SPAG16: variants seen among roughly 807,000 people sequenced by gnomAD.
SPAG16 encodes the protein sperm-associated antigen 16 protein.
In SPAG16, 86 loss-of-function variants were observed where a neutral mutation model predicts 80.4. That is an observed-to-expected ratio of 1.07 (90% CI 0.90 to 1.28). The LOEUF (loss-of-function observed/expected upper bound fraction) is 1.28, where lower values mean the gene tolerates loss of function less well. SPAG16 is among the 50% of genes most tolerant of loss of function. The pLI is 0.00. For missense variants in SPAG16, 870 were observed against 765.3 expected (o/e 1.14, Z -1.61); for synonymous variants, 294 against 265.9 (o/e 1.11, Z -1.03).
At chr2:214,055,681 T>C (rs770543278) in intron 13 of SPAG16, among the ~76,000 whole-genome samples, 2 of 152,282 alleles carry the variant, frequency 1.3e-5, no homozygotes, top group Admixed American at 1.3e-4. Context: ...AGGATATGGG[T>C]GGCTGAGTGC....
intron 15 of SPAG16, among the ~76,000 whole-genome samples, chr2:214,394,431 G>A (rs1701250399): frequency 6.6e-6 from 1 of 151,486 alleles, no homozygotes; most frequent in African/African-American, 2.4e-5. Flanking sequence ...TTCTGATTAT[G>A]TAATTGAGTA....
chr2:213,902,022 C>T (rs1178336710), intron 11 of SPAG16, among the ~76,000 whole-genome samples: 1 of 152,110 alleles, frequency 6.6e-6, no homozygotes, highest in Non-Finnish European at 1.5e-5. Flanking sequence ...CCTAGAGTCT[C>T]GTGAAAAACA....
At chr2:213,496,777 TTA>T (rs1220036011) in intron 10 of SPAG16, among the ~76,000 whole-genome samples, 2 of 150,974 alleles carry the variant, frequency 1.3e-5, no homozygotes, top group African/African-American at 2.4e-5. Flanking sequence ...ATTAATTAAA[TTA>T]TATGTTTTCA....
intron 10 of SPAG16, among the ~76,000 whole-genome samples, chr2:213,555,641 A>C (rs1046361671): frequency 6.6e-6 from 1 of 152,228 alleles, no homozygotes; most frequent in African/African-American, 2.4e-5. Context: ...CATATGAGAC[A>C]AGATACATAC....
chr2:213,885,052 A>AGACC (rs2076499946), intron 11 of SPAG16, among the ~76,000 whole-genome samples: 1 of 152,130 alleles, frequency 6.6e-6, no homozygotes, highest in Non-Finnish European at 1.5e-5. Context: ...GGAGGTAAGG[A>AGACC]GACCCTCTGT....
rs535845400 is a variant in SPAG16 at position 214,247,678 on chromosome 2, A to G, written c.1720+98412A>G. 8.1e-4 allele frequency among the ~76,000 whole-genome samples: 124 copies of G among 152,266 alleles called. 1 individual carries two copies. Among genetic ancestry groups the G allele is most frequent in the East Asian group, 1.5e-3 (8 of 5,168 alleles). On this transcript the variant is annotated intron_variant, in intron 15 of 15. Transcript: ENST00000331683. ...TTATAGCAAACATTGGACTAGGTAT[A>G]TGGGAGGACAGGTACATTTTCATGA...
At chr2:214,257,278 T>C (rs1299684111) in intron 15 of SPAG16, among the ~76,000 whole-genome samples, 1 of 152,014 alleles carries the variant, frequency 6.6e-6, no homozygotes, top group Non-Finnish European at 1.5e-5. Context: ...ATCATAGTAG[T>C]TGTGTTGTCA....
At chr2:213,793,679 A>C (rs1016560447) in intron 10 of SPAG16, among the ~76,000 whole-genome samples, 3 of 152,208 alleles carry the variant, frequency 2.0e-5, no homozygotes, top group African/African-American at 7.2e-5. Context: ...AAATTCTCTA[A>C]AAGATGTTAA....
At chr2:214,181,378 A>T (rs2057302658) in intron 15 of SPAG16, among the ~76,000 whole-genome samples, 1 of 151,816 alleles carries the variant, frequency 6.6e-6, no homozygotes, top group African/African-American at 2.4e-5. Flanking sequence ...CTCTAACTTG[A>T]CATGACAGAA....
chr2:213,991,025 T>C (rs1023996671), intron 12 of SPAG16, among the ~76,000 whole-genome samples: 1 of 152,110 alleles, frequency 6.6e-6, no homozygotes, highest in Admixed American at 6.6e-5. Flanking sequence ...ATTATTATAC[T>C]TTAAGTTCTG....
chr2:213,628,691 T>G (rs1406693309), intron 10 of SPAG16, among the ~76,000 whole-genome samples: 1 of 152,250 alleles, frequency 6.6e-6, no homozygotes, highest in Non-Finnish European at 1.5e-5. Context: ...CTAGCCTTAA[T>G]TATTTGTGTG....
intron 9 of SPAG16, among the ~76,000 whole-genome samples, chr2:213,393,083 G>T (rs1353328115): frequency 6.6e-6 from 1 of 151,850 alleles, no homozygotes; most frequent in Non-Finnish European, 1.5e-5. Context: ...ATGTGAATCA[G>T]AATAAAAGTA....
chr2:214,261,520 A>G (rs1006084679), intron 15 of SPAG16, among the ~76,000 whole-genome samples: 9 of 152,196 alleles, frequency 5.9e-5, no homozygotes, highest in Admixed American at 6.5e-5. Context: ...GCTTGAAGGA[A>G]GTAAAGTTAT....
At chr2:213,683,854 A>G (rs1022499372) in intron 10 of SPAG16, among the ~76,000 whole-genome samples, 1 of 152,160 alleles carries the variant, frequency 6.6e-6, no homozygotes, top group Non-Finnish European at 1.5e-5. Flanking sequence ...CTCATTTGCA[A>G]TTTTTCTTAC....
intron 9 of SPAG16, among the ~76,000 whole-genome samples, chr2:213,380,329 T>G (rs1399187981): frequency 6.6e-6 from 1 of 152,146 alleles, no homozygotes; most frequent in Non-Finnish European, 1.5e-5. Context: ...TGCAGATCCA[T>G]CTATGAATCA....
chr2:213,808,138 A>G (rs1287149765), intron 10 of SPAG16, among the ~76,000 whole-genome samples: 1 of 152,192 alleles, frequency 6.6e-6, no homozygotes, highest in Non-Finnish European at 1.5e-5. Context: ...GCTGTTCTAT[A>G]AGGAAGAATA....
chr2:213,988,918 T>G (rs2106443854), intron 12 of SPAG16, among the ~76,000 whole-genome samples: 1 of 152,188 alleles, frequency 6.6e-6, no homozygotes, highest in East Asian at 1.9e-4. Flanking sequence ...TTCAGCAGTA[T>G]TTTTGTAGAG....
At chr2:213,512,883 C>T (rs1044711471) in intron 10 of SPAG16, among the ~76,000 whole-genome samples, 1 of 152,030 alleles carries the variant, frequency 6.6e-6, no homozygotes, top group Admixed American at 6.6e-5. Flanking sequence ...CCCACCAAGA[C>T]TGGAAATAGC....
intron 15 of SPAG16, among the ~76,000 whole-genome samples, chr2:214,180,984 A>C (rs2057293327): frequency 6.6e-6 from 1 of 151,762 alleles, no homozygotes; most frequent in African/African-American, 2.4e-5. Flanking sequence ...CGATTGGTTT[A>C]GTTTTCAGTT....
Sources: allele counts gnomAD v4.1 joint callset (sites outside exome capture counted in the v4.1 genomes callset), GRCh38; gene constraint gnomAD v4.1.1; transcripts MANE v1.5; gene names NCBI Gene and HGNC (gene_info 2026-07-23, HGNC 2026-07-21).